The following VRK2 variants were observed in gnomAD, a reference collection of about 807,000 sequenced individuals.
The protein encoded by VRK2 is serine/threonine-protein kinase VRK2.
Under a neutral mutation model 57.6 loss-of-function variants are expected in VRK2, and 60 were observed. The observed-to-expected ratio is 1.04, with a 90% CI of 0.85 to 1.29. VRK2 has a LOEUF of 1.29. VRK2 is among the 50% of genes most tolerant of loss of function. The probability of loss-of-function intolerance (pLI) is 0.00; values close to 1 mark genes in which losing one functional copy is unlikely to be tolerated. For synonymous variants in VRK2, 231 were observed against 199.2 expected, an observed-to-expected ratio of 1.16 and a Z score of -1.35; for missense variants, 705 against 588.1, an observed-to-expected ratio of 1.20 and a Z score of -2.06.
chr2:57,965,079 A>T (rs1051859003), intron 1 of VRK2, among the ~76,000 whole-genome samples: 1 of 152,148 alleles, frequency 6.6e-6, no homozygotes, highest in Non-Finnish European at 1.5e-5. Context: ...GATGCACCTA[A>T]CATTAAGTTG....
intron 12 of VRK2, among the ~76,000 whole-genome samples, chr2:58,149,003 A>C (rs961643257): frequency 3.3e-5 from 5 of 151,924 alleles, no homozygotes; most frequent in South Asian, 2.1e-4. Context: ...AAAATTTAAG[A>C]AGCAGCTTGT....
intron 7 of VRK2, among the ~76,000 whole-genome samples, chr2:58,117,569 G>A (rs559526034): frequency 1.3e-5 from 2 of 152,196 alleles, no homozygotes; most frequent in East Asian, 1.9e-4. Flanking sequence ...GATTTGGGAT[G>A]AGTTGCACTG....
chr2:58,115,977 G>C (rs912722647), intron 7 of VRK2, among the ~76,000 whole-genome samples: 8 of 152,326 alleles, frequency 5.3e-5, no homozygotes, highest in Admixed American at 2.0e-4. Context: ...TGGCACCACG[G>C]GGTGGATAGG....
intron 1 of VRK2, among the ~76,000 whole-genome samples, chr2:57,949,318 A>T (rs1044611145): frequency 3.3e-5 from 5 of 152,062 alleles, no homozygotes; most frequent in Non-Finnish European, 4.4e-5. Context: ...CTTTGTGGCA[A>T]CCCTGCATCG....
intron 11 of VRK2, 151 bp downstream of exon 11, chr2:58,139,983 G>T (rs1681083446): frequency 1.3e-6 from 1 of 772,478 alleles, no homozygotes; most frequent in Admixed American, 3.0e-5. Flanking sequence ...AAGAAAGTTT[G>T]TTCCAAGTTC....
chr2:58,096,790 T>C (rs1395656836), intron 7 of VRK2, among the ~76,000 whole-genome samples: 1 of 151,868 alleles, frequency 6.6e-6, no homozygotes, highest in Non-Finnish European at 1.5e-5. Context: ...AGTTCTCCAA[T>C]TGGATGTCCC....
intron 8 of VRK2, among the ~76,000 whole-genome samples, chr2:58,124,290 G>A (rs779961246): frequency 2.0e-5 from 3 of 152,168 alleles, no homozygotes; most frequent in Non-Finnish European, 2.9e-5. Context: ...ATATGGTGCC[G>A]AGTCCCACTG....
At chr2:58,010,611 G>C (rs1460590237) in intron 1 of VRK2, among the ~76,000 whole-genome samples, 3 of 152,028 alleles carry the variant, frequency 2.0e-5, no homozygotes, top group Admixed American at 6.6e-5. Flanking sequence ...GGAAAATCGG[G>C]GTATGCAGGG....
At chr2:57,948,881 G>A (rs577336257) in intron 1 of VRK2, among the ~76,000 whole-genome samples, 4 of 152,138 alleles carry the variant, frequency 2.6e-5, no homozygotes, top group African/African-American at 4.8e-5. Context: ...GAAGTTAAGC[G>A]GAAAAGGGTA....
chr2:58,127,171 G>GTA (rs1228725245), intron 8 of VRK2, among the ~76,000 whole-genome samples: 1 of 151,852 alleles, frequency 6.6e-6, no homozygotes, highest in Non-Finnish European at 1.5e-5. Flanking sequence ...AATTGCTACG[G>GTA]TATGTGAAAT....
chr2:57,918,003 G>C (rs779196522), intron 1 of VRK2, among the ~76,000 whole-genome samples: 8 of 152,084 alleles, frequency 5.3e-5, no homozygotes, highest in Non-Finnish European at 1.2e-4. Context: ...TGTAGACTTT[G>C]AGCTTTATTA....
intron 1 of VRK2, among the ~76,000 whole-genome samples, chr2:57,920,201 A>C (rs1670295847): frequency 6.6e-6 from 1 of 152,134 alleles, no homozygotes; most frequent in Admixed American, 6.6e-5. Context: ...GTCCAAAAAA[A>C]AGCTGTGCAG....
At chr2:58,159,893 T>C (rs1423028682), downstream of VRK2, 3 of 1,566,014 alleles carry the variant, frequency 1.9e-6, no homozygotes, top group East Asian at 2.3e-5. Flanking sequence ...AATAGTGTCA[T>C]AGTACAGTTT....
intron 7 of VRK2, among the ~76,000 whole-genome samples, chr2:58,099,497 G>T (rs190225378): frequency 4.7e-4 from 71 of 151,958 alleles, no homozygotes; most frequent in African/African-American, 1.7e-3. Flanking sequence ...AACCCTTTAA[G>T]AAATACTTTA....
intron 12 of VRK2, among the ~76,000 whole-genome samples, chr2:58,148,628 A>T (rs1682526260): frequency 6.6e-6 from 1 of 151,702 alleles, no homozygotes; most frequent in South Asian, 2.1e-4. Context: ...TTTGCTATAT[A>T]TTTCTATACA....
chr2:57,908,342 C>A (rs1425685426), intron 1 of VRK2, among the ~76,000 whole-genome samples: 1 of 152,102 alleles, frequency 6.6e-6, no homozygotes, highest in African/African-American at 2.4e-5. Context: ...ATACATCTGA[C>A]AAAATTCTGA....
chr2:57,974,841 C>G (rs2104030161), intron 1 of VRK2, among the ~76,000 whole-genome samples: 1 of 151,764 alleles, frequency 6.6e-6, no homozygotes, highest in African/African-American at 2.4e-5. Context: ...ACAGCCAACC[C>G]TTACTTGATG....
intron 2 of VRK2, among the ~76,000 whole-genome samples, chr2:58,077,532 C>G (rs548191251): frequency 6.6e-6 from 1 of 151,738 alleles, no homozygotes; most frequent in South Asian, 2.1e-4. Flanking sequence ...TTTTTTTTAA[C>G]CTTCTTTAAA....
rs1572789240 is a variant in VRK2 at position 58,020,263 on chromosome 2, G to A, written c.-438-5402G>A. Among the ~76,000 whole-genome samples the A allele has an allele frequency of 2.0e-5, 3 of 152,190 alleles. No homozygotes were observed. The East Asian group carries it at 5.8e-4, about 29-fold the overall frequency. Reference sequence around the variant, plus strand: ...TCTTGCTCTGTTGTCCCGGCCTGGAGGGCAGTGGTGTGATAACAGCTCACT... The same window carrying A: ...TCTTGCTCTGTTGTCCCGGCCTGGAAGGCAGTGGTGTGATAACAGCTCACT... On this transcript the variant is annotated intron_variant, in intron 1 of 15. Transcript: ENST00000417641.
Sources: gnomAD v4.1 joint callset for allele counts (sites outside exome capture counted in the v4.1 genomes callset) on GRCh38, gnomAD v4.1.1 for gene constraint, MANE v1.5 for transcripts, NCBI Gene and HGNC (gene_info 2026-07-23, HGNC 2026-07-21) for gene names.